The following XPR1 variants were observed in gnomAD, a reference collection of about 807,000 sequenced individuals.
The protein encoded by XPR1 is xenotropic and polytropic retrovirus receptor 1, also known as solute carrier family 53 member 1.
A neutral mutation model predicts 87.5 loss-of-function variants in XPR1; 28 were observed. The ratio of observed to expected loss-of-function variants is 0.32; its 90% CI spans 0.24 to 0.44. The LOEUF is 0.44. XPR1 is among the 20% of genes least tolerant of loss of function. The pLI, the probability that XPR1 is intolerant of heterozygous loss-of-function variation, is 1.00. For missense variants in XPR1, 559 were observed against 862.3 expected (o/e 0.65, Z 4.41); for synonymous variants, 300 against 306.1 (o/e 0.98, Z 0.21).
At chr1:180,787,325 G>A (rs1451014826) in intron 2 of XPR1, among the ~76,000 whole-genome samples, 2 of 149,784 alleles carry the variant, frequency 1.3e-5, no homozygotes, top group African/African-American at 2.5e-5. Context: ...TTTTTGAAAC[G>A]GGGTCTTGCT....
chr1:180,842,636 A>G (rs146832383), intron 11 of XPR1, among the ~76,000 whole-genome samples: 7 of 152,184 alleles, frequency 4.6e-5, no homozygotes, highest in African/African-American at 1.7e-4. Context: ...AGGAGGCACA[A>G]ACGTGTTTTA....
intron 11 of XPR1, among the ~76,000 whole-genome samples, chr1:180,838,910 C>G (rs1459594011): frequency 6.6e-6 from 1 of 152,058 alleles, no homozygotes; most frequent in Non-Finnish European, 1.5e-5. Context: ...ATTACTATTA[C>G]CCTGATTATT....
chr1:180,633,196 A>G (rs539427699), intron 1 of XPR1, among the ~76,000 whole-genome samples: 1 of 152,314 alleles, frequency 6.6e-6, no homozygotes, highest in East Asian at 1.9e-4. Flanking sequence ...TAATAAAGGG[A>G]AAAATAAAGA....
intron 6 of XPR1, among the ~76,000 whole-genome samples, chr1:180,808,445 C>T (rs899260388): frequency 6.6e-6 from 1 of 152,034 alleles, no homozygotes; most frequent in Admixed American, 6.6e-5. Context: ...TTAGAAATGA[C>T]ACCAAAAGCA....
intron 2 of XPR1, among the ~76,000 whole-genome samples, chr1:180,760,130 A>T (rs1647952131): frequency 6.6e-6 from 1 of 152,184 alleles, no homozygotes; most frequent in Non-Finnish European, 1.5e-5. Context: ...AATAAGAGCT[A>T]TCTATGACAT....
chr1:180,632,606 C>T (rs543627017), intron 1 of XPR1, among the ~76,000 whole-genome samples: 1 of 152,364 alleles, frequency 6.6e-6, no homozygotes, highest in South Asian at 2.1e-4. Context: ...CCCCGGGTCG[C>T]GGCTGTTCCG....
chr1:180,761,164 T>C (rs1648009203), intron 2 of XPR1, among the ~76,000 whole-genome samples: 1 of 152,162 alleles, frequency 6.6e-6, no homozygotes, highest in African/African-American at 2.4e-5. Context: ...ATAAAAACCC[T>C]AGAAGAAAAC....
chr1:180,773,131 T>C (rs1027730822), intron 2 of XPR1, among the ~76,000 whole-genome samples: 12 of 152,142 alleles, frequency 7.9e-5, no homozygotes, highest in Admixed American at 7.2e-4. Context: ...CAGGGTTATG[T>C]TGGTCAGTAA....
intron 1 of XPR1, among the ~76,000 whole-genome samples, chr1:180,681,609 G>A (rs1375211518): frequency 6.6e-6 from 1 of 152,188 alleles, no homozygotes; most frequent in African/African-American, 2.4e-5. Context: ...TCGTGCCACT[G>A]CACTCCAGCC....
intron 9 of XPR1, among the ~76,000 whole-genome samples, chr1:180,833,513 A>AC (rs968365908): frequency 1.1e-4 from 17 of 150,790 alleles, no homozygotes; most frequent in Non-Finnish European, 1.8e-4. Context: ...GCAAAAAAAA[A>AC]CACAAAAAAA....
At chr1:180,770,995 C>G (rs1296927575) in intron 2 of XPR1, among the ~76,000 whole-genome samples, 3 of 152,136 alleles carry the variant, frequency 2.0e-5, no homozygotes, top group Non-Finnish European at 4.4e-5. Context: ...CGATGTGCTC[C>G]CCTAGCATTC....
At chr1:180,788,836 A>T (rs1045158544) in intron 3 of XPR1, among the ~76,000 whole-genome samples, 19 of 152,336 alleles carry the variant, frequency 1.2e-4, no homozygotes, top group Non-Finnish European at 1.5e-5. Flanking sequence ...TAAACCAGGT[A>T]TTAGTGTGAA....
At chr1:180,683,172 G>A (rs1020078935) in intron 2 of XPR1, among the ~76,000 whole-genome samples, 1 of 148,920 alleles carries the variant, frequency 6.7e-6, no homozygotes, top group Non-Finnish European at 1.5e-5. Context: ...GTGACCATGT[G>A]TTCTCATTGT....
chr1:180,804,090 A>G (rs935566138), intron 4 of XPR1, among the ~76,000 whole-genome samples: 1 of 151,894 alleles, frequency 6.6e-6, no homozygotes, highest in Non-Finnish European at 1.5e-5. Flanking sequence ...GGTTCAAGCA[A>G]TTCTCCTACC....
chr1:180,650,011 T>G (rs1013373835), intron 1 of XPR1, among the ~76,000 whole-genome samples: 2 of 152,124 alleles, frequency 1.3e-5, no homozygotes, highest in Non-Finnish European at 2.9e-5. Flanking sequence ...GTGTTTCAGG[T>G]TTTCCATTTT....
chr1:180,674,711 C>T (rs1656308836), intron 1 of XPR1, among the ~76,000 whole-genome samples: 1 of 152,128 alleles, frequency 6.6e-6, no homozygotes, highest in South Asian at 2.1e-4. Context: ...AGTTTTCATA[C>T]ACATTGTCTG....
At position 180,804,208 on chromosome 1, in the gene XPR1, G is replaced by T. The variant is rs1027409376; in HGVS notation, c.447+597G>T. Among the ~76,000 whole-genome samples, 4 of 152,122 alleles carry T rather than the reference G, an allele frequency of 2.6e-5. No individual in the cohort carries two copies. In the South Asian group the frequency reaches 8.3e-4, roughly 32 times the overall value. ...ACCATGTTGGCCAGGCTGGTCTTCA[G>T]CTCAGTGAGCTGCCTGCCTCAGCCT... On this transcript the variant is annotated intron_variant, in intron 4 of 14. Coordinates refer to ENST00000367590, the MANE Select transcript of XPR1 (RefSeq NM_004736.4).
chr1:180,703,414 G>T (rs1222140575), intron 2 of XPR1, among the ~76,000 whole-genome samples: 1 of 152,194 alleles, frequency 6.6e-6, no homozygotes, highest in Admixed American at 6.5e-5. Context: ...GCGGGTGCCA[G>T]CATCAGTTGG....
At chr1:180,853,556 G>A (rs1651934259) in intron 11 of XPR1, among the ~76,000 whole-genome samples, 1 of 149,288 alleles carries the variant, frequency 6.7e-6, no homozygotes, top group Non-Finnish European at 1.5e-5. Context: ...GATCTTCCTT[G>A]TTCTTTGTAT....
Sources: gnomAD v4.1 joint callset for allele counts (sites outside exome capture counted in the v4.1 genomes callset) on GRCh38, gnomAD v4.1.1 for gene constraint, MANE v1.5 for transcripts, NCBI Gene and HGNC (gene_info 2026-07-23, HGNC 2026-07-21) for gene names.